TRAF3IP3: variants seen among roughly 807,000 people sequenced by gnomAD.
The protein encoded by TRAF3IP3 is TRAF3 interacting protein 3.
TRAF3IP3 carries 64 observed loss-of-function variants against 86.5 expected under a neutral mutation model. The ratio of observed to expected loss-of-function variants is 0.74; its 90% confidence interval spans 0.60 to 0.91. TRAF3IP3 has a LOEUF of 0.91. Ranked by LOEUF, TRAF3IP3 falls within the 40% of genes least tolerant of loss-of-function variation. The probability of loss-of-function intolerance (pLI) is 0.00; values close to 1 mark genes in which losing one functional copy is unlikely to be tolerated. For synonymous variants in TRAF3IP3, 220 were observed against 243.9 expected (o/e 0.90, Z 0.91); for missense variants, 579 against 642.9 (o/e 0.90, Z 1.07).
Position 209,777,505 on chromosome 1 carries a change from G to A in TRAF3IP3, c.1189+18G>A, listed in dbSNP as rs2077682453. 1 of 1,590,466 alleles carries A rather than the reference G, an allele frequency of 6.3e-7. No individual in the cohort carries two copies. The highest frequency in any genetic ancestry group is 2.3e-5 in the East Asian group (1 of 44,012). ...CCTACAAGGTACTCTTCTCCTTGGA[G>A]GCCTTGAGTGCATGGCAGCCATGGC... On this transcript the variant is annotated intron_variant, in intron 12 of 16. Coordinates refer to ENST00000367025, the MANE Select transcript of TRAF3IP3 (RefSeq NM_025228.4).
At chr1:209,764,891 T>C (rs2077312689) in intron 8 of TRAF3IP3, among the ~76,000 whole-genome samples, 1 of 152,048 alleles carries the variant, frequency 6.6e-6, no homozygotes, top group Non-Finnish European at 1.5e-5. Flanking sequence ...TTAAAACAGT[T>C]GGCCAGGTGC....
chr1:209,763,445 C>T, intron 7 of TRAF3IP3, 47 bp from the exon 8 acceptor site: 1 of 1,612,830 alleles, frequency 6.2e-7, no homozygotes, highest in East Asian at 2.2e-5. Flanking sequence ...TACCCCCGAT[C>T]CTCCAGGTTA....
At chr1:209,770,260 C>A (rs1295421308) in intron 8 of TRAF3IP3, among the ~76,000 whole-genome samples, 1 of 152,200 alleles carries the variant, frequency 6.6e-6, no homozygotes, top group Non-Finnish European at 1.5e-5. Flanking sequence ...TTCTTGCTTT[C>A]TTAAAGAAGT....
chr1:209,775,127 T>A (rs749981571), intron 9 of TRAF3IP3, among the ~76,000 whole-genome samples: 12 of 152,158 alleles, frequency 7.9e-5, no homozygotes, highest in Non-Finnish European at 1.5e-4. Flanking sequence ...GCCTCAGATA[T>A]AATGCCCAGG....
chr1:209,768,462 G>A, intron 8 of TRAF3IP3: 1 of 985,602 alleles, frequency 1.0e-6, no homozygotes, highest in South Asian at 4.7e-5. Flanking sequence ...TGGGTTTGAA[G>A]ATCTGCGTCC....
intron 12 of TRAF3IP3, 69 bp from the exon 13 acceptor site, chr1:209,778,042 T>A (rs1476791646): frequency 1.5e-6 from 2 of 1,356,786 alleles, no homozygotes; most frequent in African/African-American, 2.9e-5. Context: ...ATTACTAATT[T>A]CCATCCTAAG....
chr1:209,761,886 A>C (rs71636132), intron 3 of TRAF3IP3, among the ~76,000 whole-genome samples: 1 of 152,120 alleles, frequency 6.6e-6, no homozygotes, highest in Non-Finnish European at 1.5e-5. Context: ...AGAAAAAAAA[A>C]CAACAACTAG....
At chr1:209,775,854 C>T (rs1326024424) in intron 11 of TRAF3IP3, 118 bp downstream of exon 11, 3 of 925,432 alleles carry the variant, frequency 3.2e-6, no homozygotes, top group Admixed American at 2.9e-5. Flanking sequence ...GCTTTCAGTT[C>T]CTCAGTCACC....
At chr1:209,773,852 T>C (rs1038989378) in intron 9 of TRAF3IP3, among the ~76,000 whole-genome samples, 17 of 152,236 alleles carry the variant, frequency 1.1e-4, no homozygotes, top group African/African-American at 4.1e-4. Flanking sequence ...CTATTCATTT[T>C]CAATAGGGAA....
rs2077681147 is a variant in TRAF3IP3, at chr1:209,777,447, G to A, written c.1149G>A (p.Gly383=). The A allele has an allele frequency of 6.2e-7, 1 of 1,614,058 alleles. No homozygotes were observed. The highest frequency in any genetic ancestry group is 1.7e-4 in the Middle Eastern group (1 of 6,048). ...AGGCCAAGATTGAATGCCTGCAAGG[G>A]GACAGAGACCTGTGCAGCTTGGATA... ...QLQAKIECLQ[G]DRDLCSLDTQ... is the part of the protein sequence containing the mutation. The change falls in exon 12 of 17, where the codon GGG becomes GGA. Residue 383 remains glycine, a synonymous_variant. Coordinates refer to ENST00000367025, the MANE Select transcript of TRAF3IP3 (RefSeq NM_025228.4).
chr1:209,765,223 GAGAGAGGA>G (rs2077327121), intron 8 of TRAF3IP3, among the ~76,000 whole-genome samples: 3 of 99,290 alleles, frequency 3.0e-5, no homozygotes, highest in African/African-American at 4.4e-5. Context: ...GGGAGAGAGA[GAGAGAGGA>G]AGGAAGGAAG....
intron 1 of TRAF3IP3, among the ~76,000 whole-genome samples, chr1:209,757,412 A>G (rs770372765): frequency 3.9e-5 from 6 of 152,118 alleles, no homozygotes; most frequent in Non-Finnish European, 5.9e-5. Context: ...GGGGAAGCTG[A>G]GCCAAACAGG....
chr1:209,768,144 G>A, intron 8 of TRAF3IP3: 1 of 985,402 alleles, frequency 1.0e-6, no homozygotes, highest in Non-Finnish European at 1.2e-6. Context: ...TGGTATCTGG[G>A]AAAAATAATT....
intron 3 of TRAF3IP3, among the ~76,000 whole-genome samples, chr1:209,760,636 T>C (rs550438825): frequency 6.6e-6 from 1 of 152,306 alleles, no homozygotes; most frequent in African/African-American, 2.4e-5. Context: ...AAAATAATTT[T>C]TAAAAACAAT....
intron 8 of TRAF3IP3, among the ~76,000 whole-genome samples, chr1:209,767,666 C>T (rs370862631): frequency 6.6e-6 from 1 of 151,122 alleles, no homozygotes; most frequent in Non-Finnish European, 1.5e-5. Flanking sequence ...CAGAGCAAGA[C>T]CCTGTCTTGA....
intron 13 of TRAF3IP3, chr1:209,778,902 T>G: frequency 4.8e-6 from 1 of 207,686 alleles, no homozygotes; most frequent in Non-Finnish European, 9.8e-6. Context: ...AAATCCAAGA[T>G]GTCAGCAGGG....
In TRAF3IP3 at chr1:209,780,486, G is replaced by T. The variant is rs759490333; in HGVS notation, c.1329G>T (p.Val443=). ...LLTKKDQALP[V]WSPKSFPNEV... is the part of the protein sequence containing the mutation. ...CTTTTTTAGATCAGGCTTTGCCCGT[G>T]TGGAGTCCAAAGTCCTTCCCTAACG... Residue 443 remains valine, a synonymous_variant, in exon 15 of 17, where the codon GTG becomes GTT. Transcript: ENST00000367025. 1.2e-5 allele frequency: 19 copies of T among 1,595,834 alleles called. No homozygotes were observed. The highest frequency in any genetic ancestry group is 1.7e-5 in the Admixed American group (1 of 58,514).
intron 12 of TRAF3IP3, chr1:209,777,828 G>C (rs1468944110): frequency 1.9e-6 from 1 of 533,946 alleles, no homozygotes; most frequent in Non-Finnish European, 3.3e-6. Context: ...ACAAGGCATA[G>C]AGAAAGTCTC....
At chr1:209,759,565 G>A (rs186013427) in intron 2 of TRAF3IP3, among the ~76,000 whole-genome samples, 58 of 152,248 alleles carry the variant, frequency 3.8e-4, no homozygotes, top group Admixed American at 1.8e-3. Flanking sequence ...GGGATAAGAG[G>A]GCAGATTGGC....
Sources: gnomAD v4.1 joint callset for allele counts (sites outside exome capture counted in the v4.1 genomes callset) on GRCh38, gnomAD v4.1.1 for gene constraint, MANE v1.5 for transcripts, NCBI Gene and HGNC (gene_info 2026-07-23, HGNC 2026-07-21) for gene names.